KCND2: variants seen among roughly 807,000 people sequenced by gnomAD.
The protein encoded by KCND2 is A-type voltage-gated potassium channel KCND2.
KCND2 carries 16 observed loss-of-function variants against 54.4 expected under a neutral mutation model. The ratio of observed to expected loss-of-function variants is 0.29; its 90% confidence interval spans 0.20 to 0.45. The LOEUF (loss-of-function observed/expected upper bound fraction) is 0.45, where lower values mean the gene tolerates loss of function less well. KCND2 is among the 20% of genes least tolerant of loss of function. The pLI, the probability that KCND2 is intolerant of heterozygous loss-of-function variation, is 1.00. For missense variants in KCND2, 486 were observed against 824.2 expected, an observed-to-expected ratio of 0.59 and a Z score of 5.02; for synonymous variants, 317 against 310.7, an observed-to-expected ratio of 1.02 and a Z score of -0.21.
intron 1 of KCND2, among the ~76,000 whole-genome samples, chr7:120,403,957 T>C (rs1801311242): frequency 1.3e-5 from 2 of 152,146 alleles, no homozygotes. Context: ...TTTCAGAATT[T>C]TTATTGTGAA....
chr7:120,327,851 A>T (rs535571649), intron 1 of KCND2, among the ~76,000 whole-genome samples: 1 of 152,108 alleles, frequency 6.6e-6, no homozygotes, highest in East Asian at 1.9e-4. Flanking sequence ...TAACTGAGTT[A>T]CATGTAAAAC....
chr7:120,388,185 A>G (rs906733614), intron 1 of KCND2, among the ~76,000 whole-genome samples: 2 of 151,968 alleles, frequency 1.3e-5, no homozygotes, highest in African/African-American at 4.8e-5. Context: ...ATAGAAATTA[A>G]CTCCTCCTCC....
intron 1 of KCND2, among the ~76,000 whole-genome samples, chr7:120,661,247 G>C (rs977611631): frequency 6.6e-6 from 1 of 150,392 alleles, no homozygotes; most frequent in African/African-American, 2.4e-5. Flanking sequence ...AGAAGCAGTT[G>C]AACTGTTATT....
At chr7:120,544,564 A>G (rs1476290241) in intron 1 of KCND2, among the ~76,000 whole-genome samples, 1 of 151,964 alleles carries the variant, frequency 6.6e-6, no homozygotes, top group African/African-American at 2.4e-5. Flanking sequence ...AGCGATTATT[A>G]TTAACCTAAA....
chr7:120,366,251 A>G (rs1800676626), intron 1 of KCND2, among the ~76,000 whole-genome samples: 2 of 152,060 alleles, frequency 1.3e-5, no homozygotes. Context: ...TTGGGAGTCC[A>G]AGGCAGACAT....
At chr7:120,472,041 C>A (rs953748317) in intron 1 of KCND2, among the ~76,000 whole-genome samples, 7 of 151,582 alleles carry the variant, frequency 4.6e-5, no homozygotes, top group South Asian at 2.1e-4. Context: ...AAAGAAAAAA[C>A]CAGATTCTGG....
In KCND2 at chr7:120,732,996, G is replaced by A. The variant is rs139984469; in HGVS notation, c.1209G>A (p.Pro403=). 5.3e-5 allele frequency: 85 copies of A among 1,613,534 alleles called. No homozygotes were observed. In the African/African-American group the frequency reaches 6.8e-4, roughly 13 times the overall value. ...TCTTGGTCATTGCTCTACCTGTTCCGGTGATTGTATCCAACTTCAGTCGCA... is the reference window on the plus strand; with the variant it reads ...TCTTGGTCATTGCTCTACCTGTTCCAGTGATTGTATCCAACTTCAGTCGCA... ...SGVLVIALPV[P]VIVSNFSRIY... Residue 403 remains proline, a synonymous_variant, in exon 2 of 6, where the codon CCG becomes CCA. Coordinates refer to ENST00000331113, the MANE Select transcript of KCND2 (RefSeq NM_012281.3).
intron 1 of KCND2, among the ~76,000 whole-genome samples, chr7:120,320,775 G>A (rs193080694): frequency 2.0e-5 from 3 of 152,254 alleles, no homozygotes; most frequent in East Asian, 3.9e-4. Context: ...TTAGAGGAAG[G>A]GAGGTGATTG....
chr7:120,601,643 A>G (rs1294854646), intron 1 of KCND2, among the ~76,000 whole-genome samples: 3 of 152,188 alleles, frequency 2.0e-5, no homozygotes, highest in Non-Finnish European at 4.4e-5. Flanking sequence ...ACTCTATGTT[A>G]TGTTGCATAT....
At chr7:120,549,194 G>A (rs758473619) in intron 1 of KCND2, among the ~76,000 whole-genome samples, 7 of 152,088 alleles carry the variant, frequency 4.6e-5, no homozygotes, top group Admixed American at 1.3e-4. Context: ...TTGAAAGGAA[G>A]ACACATTCAA....
intron 1 of KCND2, among the ~76,000 whole-genome samples, chr7:120,381,816 A>G (rs1246503060): frequency 6.6e-6 from 1 of 152,106 alleles, no homozygotes; most frequent in Non-Finnish European, 1.5e-5. Context: ...CTTTTTAAGT[A>G]TGTAAAAACA....
At chr7:120,694,742 G>A (rs17142885) in intron 1 of KCND2, among the ~76,000 whole-genome samples, 12,978 of 152,128 alleles carry the variant, frequency 0.085, 924 homozygotes, top group East Asian at 0.42. Flanking sequence ...GAAGTTGACC[G>A]TCAGCATTGG....
chr7:120,305,396 G>GGA, intron 1 of KCND2, among the ~76,000 whole-genome samples: 1 of 152,144 alleles, frequency 6.6e-6, no homozygotes, highest in Admixed American at 6.6e-5. Flanking sequence ...AAGTAAAAAA[G>GGA]GAGACAACCT....
At chr7:120,404,070 CA>C (rs1014200307) in intron 1 of KCND2, among the ~76,000 whole-genome samples, 3 of 151,780 alleles carry the variant, frequency 2.0e-5, no homozygotes, top group Admixed American at 6.6e-5. Flanking sequence ...TTTATTAAGA[CA>C]AAAAAACTAG....
intron 1 of KCND2, among the ~76,000 whole-genome samples, chr7:120,470,198 A>C (rs1177592347): frequency 6.6e-6 from 1 of 152,146 alleles, no homozygotes; most frequent in Non-Finnish European, 1.5e-5. Flanking sequence ...ACAAATTAAT[A>C]AAGTTCAAGG....
chr7:120,380,143 A>G (rs1351238026), intron 1 of KCND2, among the ~76,000 whole-genome samples: 1 of 152,110 alleles, frequency 6.6e-6, no homozygotes, highest in Non-Finnish European at 1.5e-5. Flanking sequence ...GATAACTTTC[A>G]GAAACAGCTA....
chr7:120,320,628 A>G (rs565387665), intron 1 of KCND2, among the ~76,000 whole-genome samples: 2 of 152,304 alleles, frequency 1.3e-5, no homozygotes, highest in East Asian at 1.9e-4. Context: ...CAGGGTTGAC[A>G]TTGAAAGCAG....
chr7:120,634,634 CT>C (rs1438268732), intron 1 of KCND2, among the ~76,000 whole-genome samples: 1 of 152,172 alleles, frequency 6.6e-6, no homozygotes, highest in East Asian at 1.9e-4. Flanking sequence ...CTTGTAAAAA[CT>C]TTTAAGCAAC....
At chr7:120,659,048 A>T (rs1430595477) in intron 1 of KCND2, among the ~76,000 whole-genome samples, 39 of 152,198 alleles carry the variant, frequency 2.6e-4, no homozygotes, top group Admixed American at 2.6e-3. Flanking sequence ...CTGAATAATA[A>T]ATTTTTGTTA....
Sources: allele counts gnomAD v4.1 joint callset (sites outside exome capture counted in the v4.1 genomes callset), GRCh38; gene constraint gnomAD v4.1.1; transcripts MANE v1.5; gene names NCBI Gene and HGNC (gene_info 2026-07-23, HGNC 2026-07-21).